Variants in AKT3 observed in about 807,000 individuals in gnomAD.
AKT3 encodes the protein AKT serine/threonine kinase 3.
Under a neutral mutation model 65.3 loss-of-function variants are expected in AKT3, and 15 were observed. The ratio of observed to expected loss-of-function variants is 0.23; its 90% confidence interval spans 0.15 to 0.35. The LOEUF (loss-of-function observed/expected upper bound fraction) is 0.35, where lower values mean the gene tolerates loss of function less well. Ranked by LOEUF, AKT3 falls within the 10% of genes least tolerant of loss-of-function variation. AKT3 has a pLI of 1.00. For missense variants in AKT3, 243 were observed against 576.5 expected (o/e 0.42, Z 5.92); for synonymous variants, 206 against 183.8 (o/e 1.12, Z -0.98).
chr1:243,717,073 C>A (rs1435342043), intron 2 of AKT3, among the ~76,000 whole-genome samples: 1 of 152,152 alleles, frequency 6.6e-6, no homozygotes, highest in African/African-American at 2.4e-5. Flanking sequence ...TCTGTCTGCT[C>A]CATCTTCCAC....
chr1:243,830,709 A>G (rs1465425715), intron 2 of AKT3, among the ~76,000 whole-genome samples: 5 of 152,204 alleles, frequency 3.3e-5, no homozygotes, highest in Non-Finnish European at 7.3e-5. Context: ...GTTTCATGAA[A>G]TCAGAGGTAC....
chr1:243,780,249 C>T (rs954091059), intron 2 of AKT3, among the ~76,000 whole-genome samples: 64 of 151,994 alleles, frequency 4.2e-4, no homozygotes, highest in African/African-American at 1.5e-3. Flanking sequence ...ATTACTAGGA[C>T]TAGGACAAAT....
intron 9 of AKT3, among the ~76,000 whole-genome samples, chr1:243,572,103 C>T (rs1674603803): frequency 6.6e-6 from 1 of 152,152 alleles, no homozygotes; most frequent in Non-Finnish European, 1.5e-5. Context: ...CAAAATGTGT[C>T]GTGGTACAAA....
intron 6 of AKT3, among the ~76,000 whole-genome samples, chr1:243,637,016 G>A (rs1313433505): frequency 6.6e-6 from 1 of 152,094 alleles, no homozygotes; most frequent in Non-Finnish European, 1.5e-5. Flanking sequence ...CTTAAAGCAT[G>A]GACCAATTTG....
At chr1:243,769,180 C>T (rs1193258019) in intron 2 of AKT3, among the ~76,000 whole-genome samples, 1 of 152,068 alleles carries the variant, frequency 6.6e-6, no homozygotes, top group Admixed American at 6.6e-5. Context: ...AATAATGCTC[C>T]ATTTTATGAA....
At chr1:243,722,894 G>C (rs1337024027) in intron 2 of AKT3, among the ~76,000 whole-genome samples, 1 of 151,938 alleles carries the variant, frequency 6.6e-6, no homozygotes, top group African/African-American at 2.4e-5. Flanking sequence ...AAATTATCAA[G>C]GCCACTTTTC....
chr1:243,829,999 A>G (rs1388685471), intron 2 of AKT3, among the ~76,000 whole-genome samples: 1 of 152,196 alleles, frequency 6.6e-6, no homozygotes, highest in African/African-American at 2.4e-5. Flanking sequence ...TAAGAGAAAC[A>G]TTGACAAACT....
chr1:243,803,637 C>T (rs1012973441), intron 2 of AKT3, among the ~76,000 whole-genome samples: 7 of 131,054 alleles, frequency 5.3e-5, no homozygotes, highest in Middle Eastern at 3.4e-3. Context: ...AGAACAAAGA[C>T]GTACATGTAC....
chr1:243,556,344 C>G (rs143114776), intron 10 of AKT3, among the ~76,000 whole-genome samples: 64 of 151,918 alleles, frequency 4.2e-4, no homozygotes, highest in Non-Finnish European at 7.9e-4. Context: ...ATGATACTAC[C>G]AATTCAAGTT....
intron 2 of AKT3, among the ~76,000 whole-genome samples, chr1:243,763,703 T>C (rs1190594985): frequency 6.6e-6 from 1 of 152,154 alleles, no homozygotes; most frequent in East Asian, 1.9e-4. Flanking sequence ...CAGAACCTCA[T>C]AACTGCATAT....
chr1:243,658,387 T>C (rs943147687), intron 4 of AKT3, among the ~76,000 whole-genome samples: 9 of 152,018 alleles, frequency 5.9e-5, no homozygotes, highest in African/African-American at 2.2e-4. Flanking sequence ...GAAGTACAAA[T>C]CAAAACCACG....
At chr1:243,648,861 G>T (rs1280885940) in intron 4 of AKT3, among the ~76,000 whole-genome samples, 1 of 151,844 alleles carries the variant, frequency 6.6e-6, no homozygotes, top group African/African-American at 2.4e-5. Context: ...TTTTTTCAAA[G>T]AGTACTTTTG....
intron 4 of AKT3, among the ~76,000 whole-genome samples, chr1:243,648,622 T>C (rs1681032163): frequency 6.6e-6 from 1 of 152,182 alleles, no homozygotes. Flanking sequence ...CTTCTCATTA[T>C]TTTCTCAAAC....
intron 11 of AKT3, among the ~76,000 whole-genome samples, chr1:243,546,297 T>C (rs1205016723): frequency 2.6e-5 from 4 of 152,144 alleles, no homozygotes; most frequent in African/African-American, 9.7e-5. Flanking sequence ...CTCAGGTATT[T>C]CTTCATAGCA....
At chr1:243,639,095 T>G (rs1680188017) in intron 5 of AKT3, among the ~76,000 whole-genome samples, 1 of 152,132 alleles carries the variant, frequency 6.6e-6, no homozygotes, top group South Asian at 2.1e-4. Flanking sequence ...GAGACTATTA[T>G]AAATGGCATT....
At chr1:243,741,464 A>G (rs956331732) in intron 2 of AKT3, among the ~76,000 whole-genome samples, 1 of 152,252 alleles carries the variant, frequency 6.6e-6, no homozygotes, top group Admixed American at 6.5e-5. Flanking sequence ...ACATGTAAGA[A>G]TATTAATCTT....
rs1691239029 is a variant in AKT3, at chr1:243,785,999, A to G, written c.46+57126T>C. On this transcript the variant is annotated intron_variant, in intron 2 of 13. Transcript: ENST00000673466. ...GATACTCTGCAAGTGAGAAAGGCCT[A>G]TGCTTTATGAGCTTCAAGGTAAATA... Among the ~76,000 whole-genome samples, 3 of 152,224 alleles carry G rather than the reference A, an allele frequency of 2.0e-5. No individual in the cohort carries two copies. In the South Asian group the frequency reaches 6.2e-4, roughly 32 times the overall value.
At chr1:243,692,830 CTT>C (rs1684785220) in intron 3 of AKT3, among the ~76,000 whole-genome samples, 1 of 151,820 alleles carries the variant, frequency 6.6e-6, no homozygotes, top group South Asian at 2.1e-4. Context: ...GTGTTTTTCT[CTT>C]GTTAATCTTC....
intron 2 of AKT3, among the ~76,000 whole-genome samples, chr1:243,706,024 T>A (rs760303367): frequency 1.2e-4 from 19 of 152,222 alleles, no homozygotes; most frequent in Non-Finnish European, 2.1e-4. Flanking sequence ...AACTTCCTTA[T>A]TGTAAATATT....
Sources: gnomAD v4.1 joint callset for allele counts (sites outside exome capture counted in the v4.1 genomes callset) on GRCh38, gnomAD v4.1.1 for gene constraint, MANE v1.5 for transcripts, NCBI Gene and HGNC (gene_info 2026-07-23, HGNC 2026-07-21) for gene names.